The following CHRDL1 variants were observed in gnomAD, a reference collection of about 807,000 sequenced individuals.
CHRDL1 encodes chordin-like protein 1.
In CHRDL1, 19 loss-of-function variants were observed where a neutral mutation model predicts 40.9. The observed-to-expected ratio is 0.46, with a 90% CI of 0.32 to 0.68. CHRDL1 has a LOEUF of 0.68. CHRDL1 is among the 30% of genes least tolerant of loss of function. The pLI, the probability that CHRDL1 is intolerant of heterozygous loss-of-function variation, is 0.03. For missense variants in CHRDL1, 329 were observed against 352.1 expected, an observed-to-expected ratio of 0.93 and a Z score of 0.53; for synonymous variants, 136 against 123.4, an observed-to-expected ratio of 1.10 and a Z score of -0.68.
chrX:110,781,165 C>T (rs1288325495), intron 2 of CHRDL1, among the ~76,000 whole-genome samples: 1 of 111,487 alleles, frequency 9.0e-6, no homozygotes, highest in African/African-American at 3.3e-5. Context: ...GCATCTTTCT[C>T]TACCATTTCG....
At chrX:110,734,773 T>C (rs915774361) in intron 4 of CHRDL1, among the ~76,000 whole-genome samples, 2 of 112,260 alleles carry the variant, frequency 1.8e-5, no homozygotes, top group Non-Finnish European at 3.8e-5. Context: ...ACTTGGATTA[T>C]GTAGCCCAAC....
intron 7 of CHRDL1, among the ~76,000 whole-genome samples, chrX:110,696,620 G>A (rs2070390934): frequency 9.0e-6 from 1 of 111,446 alleles, no homozygotes; most frequent in Admixed American, 9.5e-5. Context: ...GCAAAGAGAA[G>A]TTCTTTCAGA....
rs149341426 is a variant in CHRDL1, at chrX:110,720,973, C to G, written c.447+412G>C. Reference sequence around the variant, plus strand: ...AAAATACTTCAGATATGGGAACTAACAGACAACTCATTTTCTTGTTAATTG... The same window carrying G: ...AAAATACTTCAGATATGGGAACTAAGAGACAACTCATTTTCTTGTTAATTG... On this transcript the variant is annotated intron_variant, in intron 5 of 11. Transcript: ENST00000372042. Among the ~76,000 whole-genome samples, 348 of 112,076 alleles carry G rather than the reference C, an allele frequency of 3.1e-3. 2 individuals carry two copies. Among genetic ancestry groups the G allele is most frequent in the African/African-American group, 0.011 (330 of 30,891 alleles).
intron 4 of CHRDL1, among the ~76,000 whole-genome samples, chrX:110,726,510 G>C (rs938402773): frequency 8.9e-6 from 1 of 111,763 alleles, no homozygotes; most frequent in African/African-American, 3.3e-5. Flanking sequence ...AATTTCTGTT[G>C]TTTATAAGCT....
At chrX:110,693,412 C>A (rs1435842168) in intron 8 of CHRDL1, among the ~76,000 whole-genome samples, 2 of 111,532 alleles carry the variant, frequency 1.8e-5, no homozygotes, top group African/African-American at 6.5e-5. Context: ...AGTGTAATGG[C>A]ACAATCATAG....
In CHRDL1 at chrX:110,757,367, T is replaced by G. The variant is rs1373097165; in HGVS notation, c.301+2294A>C. 2.7e-5 allele frequency among the ~76,000 whole-genome samples: 3 copies of G among 110,404 alleles called. No homozygotes were observed. The Admixed American group carries it at 2.9e-4, about 11-fold the overall frequency. On this transcript the variant is annotated intron_variant, in intron 4 of 11. Transcript: ENST00000372042. ...GTGCATCAATGAAAAGAAGAAAGTTTTAAAAGCTAGAAGAAAAAAAAAACG... is the reference window on the plus strand; with the variant it reads ...GTGCATCAATGAAAAGAAGAAAGTTGTAAAAGCTAGAAGAAAAAAAAAACG...
chrX:110,737,628 A>T (rs960481104), intron 4 of CHRDL1, among the ~76,000 whole-genome samples: 9 of 112,005 alleles, frequency 8.0e-5, no homozygotes, highest in African/African-American at 2.9e-4. Context: ...AAGGTTAATG[A>T]GTATTGAGAA....
At chrX:110,734,917 A>T (rs999653685) in intron 4 of CHRDL1, among the ~76,000 whole-genome samples, 1 of 112,103 alleles carries the variant, frequency 8.9e-6, no homozygotes, top group Non-Finnish European at 1.9e-5. Flanking sequence ...CCTCATTGTT[A>T]ATAACAGGTT....
At chrX:110,699,564 C>T (rs1454386706) in intron 7 of CHRDL1, among the ~76,000 whole-genome samples, 1 of 112,177 alleles carries the variant, frequency 8.9e-6, no homozygotes, top group Non-Finnish European at 1.9e-5. Context: ...ACCTTTCCTC[C>T]TGCCCACTTC....
At chrX:110,767,575 C>T (rs1406325434) in intron 2 of CHRDL1, among the ~76,000 whole-genome samples, 1 of 105,035 alleles carries the variant, frequency 9.5e-6, no homozygotes, top group Non-Finnish European at 1.9e-5. Context: ...AAATCAAGAA[C>T]TCAACCCCTT....
At chrX:110,689,825 C>CTATATATCTATATATATCTATATATCTA (rs2070196533) in intron 8 of CHRDL1, among the ~76,000 whole-genome samples, 3 of 50,293 alleles carry the variant, frequency 6.0e-5, no homozygotes, top group African/African-American at 3.0e-4. Context: ...ATCTATATAT[C>CTATATATCTATATATATCTATATATCTA]TATATATCTA....
chrX:110,758,953 T>C (rs1413082015), intron 4 of CHRDL1, among the ~76,000 whole-genome samples: 2 of 111,774 alleles, frequency 1.8e-5, no homozygotes, highest in Non-Finnish European at 3.8e-5. Flanking sequence ...GGATTGCCAC[T>C]GGGCCCACAG....
intron 4 of CHRDL1, among the ~76,000 whole-genome samples, chrX:110,756,913 T>C (rs1387132140): frequency 2.7e-5 from 3 of 112,021 alleles, no homozygotes; most frequent in Admixed American, 9.5e-5. Context: ...GAGAATAAGA[T>C]TCCCCAAAAC....
intron 4 of CHRDL1, among the ~76,000 whole-genome samples, chrX:110,737,716 T>C (rs1420533467): frequency 2.7e-5 from 3 of 111,902 alleles, no homozygotes; most frequent in Non-Finnish European, 5.6e-5. Context: ...CAGGGAGGTA[T>C]AAATGCAGGC....
chrX:110,750,833 G>A (rs997408554), intron 4 of CHRDL1, among the ~76,000 whole-genome samples: 1 of 111,834 alleles, frequency 8.9e-6, no homozygotes, highest in Non-Finnish European at 1.9e-5. Flanking sequence ...ATGGCACATT[G>A]TGCACATGTT....
chrX:110,784,246 A>G (rs2089984644), intron 2 of CHRDL1, among the ~76,000 whole-genome samples: 1 of 111,758 alleles, frequency 8.9e-6, no homozygotes, highest in Non-Finnish European at 1.9e-5. Context: ...ACTCTGTTTC[A>G]TGTTTTCTCA....
At chrX:110,777,191 G>A (rs754360851) in intron 2 of CHRDL1, among the ~76,000 whole-genome samples, 1 of 110,634 alleles carries the variant, frequency 9.0e-6, no homozygotes, top group Non-Finnish European at 1.9e-5. Context: ...TTTCTTTTTG[G>A]CAATGAATAA....
intron 9 of CHRDL1, among the ~76,000 whole-genome samples, chrX:110,687,606 T>C (rs1012748874): frequency 2.7e-5 from 3 of 111,972 alleles, no homozygotes; most frequent in Non-Finnish European, 5.6e-5. Context: ...TAAGAAATGA[T>C]AAATTCATGT....
chrX:110,700,529 A>G (rs1187697604), intron 7 of CHRDL1, 125 bp downstream of exon 7: 3 of 505,303 alleles, frequency 5.9e-6, no homozygotes, highest in Non-Finnish European at 1.0e-5. Flanking sequence ...CTTTGAGAAA[A>G]GGGAAGAAAA....
Sources: gnomAD v4.1 joint callset for allele counts (sites outside exome capture counted in the v4.1 genomes callset) on GRCh38, gnomAD v4.1.1 for gene constraint, MANE v1.5 for transcripts, NCBI Gene and HGNC (gene_info 2026-07-23, HGNC 2026-07-21) for gene names.